Variants in FHIT observed in about 807,000 individuals in gnomAD.
The protein encoded by FHIT is bis(5'-adenosyl)-triphosphatase.
A neutral mutation model predicts 17.9 loss-of-function variants in FHIT; 19 were observed. That is an observed-to-expected ratio of 1.06 (90% CI 0.74 to 1.56). FHIT has a LOEUF of 1.56. Ranked by LOEUF, FHIT falls within the 40% of genes most tolerant of loss-of-function variation. The pLI, the probability that FHIT is intolerant of heterozygous loss-of-function variation, is 0.00. For synonymous variants in FHIT, 81 were observed against 69.7 expected, an observed-to-expected ratio of 1.16 and a Z score of -0.81; for missense variants, 248 against 189.2, an observed-to-expected ratio of 1.31 and a Z score of -1.82.
intron 7 of FHIT, among the ~76,000 whole-genome samples, chr3:59,984,367 C>T (rs912109907): frequency 6.8e-6 from 1 of 147,424 alleles, no homozygotes; most frequent in African/African-American, 2.5e-5. Flanking sequence ...AATATTAGTG[C>T]TTCAAGCAAT....
At chr3:61,132,083 A>T (rs1560007694) in intron 2 of FHIT, among the ~76,000 whole-genome samples, 1 of 152,234 alleles carries the variant, frequency 6.6e-6, no homozygotes, top group African/African-American at 2.4e-5. Context: ...GCTTTCATGT[A>T]GGGTGGTTCC....
At chr3:60,097,947 G>A (rs1293228768) in intron 5 of FHIT, among the ~76,000 whole-genome samples, 1 of 146,710 alleles carries the variant, frequency 6.8e-6, no homozygotes, top group African/African-American at 2.6e-5. Context: ...TCCCACCTAT[G>A]AGTGAGAACA....
chr3:60,899,163 C>T (rs1287456374), intron 3 of FHIT, among the ~76,000 whole-genome samples: 3 of 152,266 alleles, frequency 2.0e-5, no homozygotes, highest in South Asian at 2.1e-4. Flanking sequence ...AAAAACAGTA[C>T]GTGATCAGAA....
At chr3:60,026,459 T>C (rs559727877) in intron 5 of FHIT, among the ~76,000 whole-genome samples, 5 of 152,288 alleles carry the variant, frequency 3.3e-5, no homozygotes, top group African/African-American at 1.2e-4. Flanking sequence ...TCATCTCATG[T>C]TTAAAATGTC....
intron 8 of FHIT, among the ~76,000 whole-genome samples, chr3:59,835,887 TAGGG>T (rs1559647553): frequency 2.0e-5 from 3 of 151,980 alleles, no homozygotes; most frequent in African/African-American, 7.2e-5. Flanking sequence ...ACTAAAGAAA[TAGGG>T]AGGAGAAAAG....
intron 5 of FHIT, among the ~76,000 whole-genome samples, chr3:60,273,991 G>T (rs1706997163): frequency 6.6e-6 from 1 of 152,110 alleles, no homozygotes; most frequent in South Asian, 2.1e-4. Context: ...ACAATTGAAA[G>T]AACACAACTA....
At chr3:59,963,727 T>C (rs912086359) in intron 7 of FHIT, among the ~76,000 whole-genome samples, 1 of 152,240 alleles carries the variant, frequency 6.6e-6, no homozygotes, top group African/African-American at 2.4e-5. Flanking sequence ...GTTTTGAAGA[T>C]AGAGCTCTTT....
At chr3:60,371,850 T>C (rs978918184) in intron 5 of FHIT, among the ~76,000 whole-genome samples, 7 of 151,428 alleles carry the variant, frequency 4.6e-5, no homozygotes, top group African/African-American at 1.7e-4. Flanking sequence ...GGGTTTTTTT[T>C]TTTTTTTTAG....
At chr3:60,111,926 G>C (rs1022989476) in intron 5 of FHIT, among the ~76,000 whole-genome samples, 1 of 152,172 alleles carries the variant, frequency 6.6e-6, no homozygotes, top group Non-Finnish European at 1.5e-5. Context: ...GGGCTTTCCA[G>C]ATTAGCCCTT....
chr3:60,348,315 G>A (rs1710901610), intron 5 of FHIT, among the ~76,000 whole-genome samples: 1 of 152,080 alleles, frequency 6.6e-6, no homozygotes, highest in Non-Finnish European at 1.5e-5. Flanking sequence ...ATTTCCACCT[G>A]TAAGCAAAAT....
At chr3:61,237,528 C>T (rs999922861) in intron 1 of FHIT, among the ~76,000 whole-genome samples, 2 of 152,108 alleles carry the variant, frequency 1.3e-5, no homozygotes, top group Non-Finnish European at 2.9e-5. Flanking sequence ...GAATATGAAA[C>T]TTCACCAAAT....
At chr3:60,258,170 TC>T (rs1391616593) in intron 5 of FHIT, among the ~76,000 whole-genome samples, 5 of 151,776 alleles carry the variant, frequency 3.3e-5, no homozygotes, top group African/African-American at 1.2e-4. Flanking sequence ...TATTGCCACC[TC>T]CAAATATTAC....
At chr3:60,715,948 C>T (rs1419625605) in intron 4 of FHIT, among the ~76,000 whole-genome samples, 1 of 152,100 alleles carries the variant, frequency 6.6e-6, no homozygotes, top group Non-Finnish European at 1.5e-5. Flanking sequence ...CATTGTGGTT[C>T]TAGATTCAAA....
intron 2 of FHIT, among the ~76,000 whole-genome samples, chr3:61,158,832 G>A (rs2037607292): frequency 6.6e-6 from 1 of 152,104 alleles, no homozygotes; most frequent in Admixed American, 6.5e-5. Flanking sequence ...GTCAGGCAGG[G>A]GAATCACATT....
chr3:60,404,735 G>A lies in FHIT; in HGVS notation c.103+132125C>T, dbSNP rs141034170. On this transcript the variant is annotated intron_variant, in intron 5 of 9. Coordinates refer to ENST00000492590, the MANE Select transcript of FHIT (RefSeq NM_002012.4). ...AGAATAGCCTTTGGATTTGTTGAATGTAAGTTTTTAAAGTCAGGGACCAGG... is the reference window on the plus strand; with the variant it reads ...AGAATAGCCTTTGGATTTGTTGAATATAAGTTTTTAAAGTCAGGGACCAGG... Among the ~76,000 whole-genome samples the A allele has an allele frequency of 3.3e-5, 5 of 152,268 alleles. 1 individual carries two copies. Among genetic ancestry groups the A allele is most frequent in the Admixed American group, 6.5e-5 (1 of 15,298 alleles).
At chr3:60,661,716 T>A (rs1480377001) in intron 4 of FHIT, among the ~76,000 whole-genome samples, 1 of 152,186 alleles carries the variant, frequency 6.6e-6, no homozygotes, top group African/African-American at 2.4e-5. Context: ...CAACATCTAT[T>A]ATTTTTTGAT....
intron 5 of FHIT, among the ~76,000 whole-genome samples, chr3:60,206,430 G>A (rs1703193993): frequency 6.6e-6 from 1 of 152,114 alleles, no homozygotes; most frequent in African/African-American, 2.4e-5. Flanking sequence ...TGGCAAATCT[G>A]GGTAGATGTT....
intron 7 of FHIT, among the ~76,000 whole-genome samples, chr3:60,002,927 C>A (rs1264289966): frequency 6.6e-6 from 1 of 152,098 alleles, no homozygotes; most frequent in African/African-American, 2.4e-5. Context: ...CCATCAGAAT[C>A]AACTGTGGAC....
At chr3:60,385,233 T>G (rs1363782963) in intron 5 of FHIT, among the ~76,000 whole-genome samples, 3 of 152,230 alleles carry the variant, frequency 2.0e-5, no homozygotes, top group Admixed American at 2.0e-4. Context: ...GTAAATGTTA[T>G]GACCACCAGC....
Sources: allele counts gnomAD v4.1 joint callset (sites outside exome capture counted in the v4.1 genomes callset), GRCh38; gene constraint gnomAD v4.1.1; transcripts MANE v1.5; gene names NCBI Gene and HGNC (gene_info 2026-07-23, HGNC 2026-07-21).